PTPRK: variants seen among roughly 807,000 people sequenced by gnomAD.
PTPRK encodes the protein receptor-type tyrosine-protein phosphatase kappa.
A neutral mutation model predicts 178.0 loss-of-function variants in PTPRK; 75 were observed. That is an observed-to-expected ratio of 0.42 (90% CI 0.35 to 0.51). PTPRK has a LOEUF of 0.51. Ranked by LOEUF, PTPRK falls within the 20% of genes least tolerant of loss-of-function variation. PTPRK has a pLI of 0.02. For missense variants in PTPRK, 1,441 were observed against 1,797.8 expected (o/e 0.80, Z 3.59); for synonymous variants, 637 against 620.6 (o/e 1.03, Z -0.39).
intron 13 of PTPRK, among the ~76,000 whole-genome samples, chr6:128,040,699 C>T (rs967097571): frequency 6.6e-6 from 1 of 152,112 alleles, no homozygotes; most frequent in East Asian, 1.9e-4. Context: ...CCTGCCACTA[C>T]TAACGATATA....
At chr6:128,388,262 A>C (rs1159020227) in intron 2 of PTPRK, among the ~76,000 whole-genome samples, 3 of 152,154 alleles carry the variant, frequency 2.0e-5, no homozygotes, top group Non-Finnish European at 4.4e-5. Context: ...TCTTCAGGAT[A>C]CTGTTGTGTC....
chr6:128,504,938 C>T (rs1168783648), intron 1 of PTPRK, among the ~76,000 whole-genome samples: 1 of 151,974 alleles, frequency 6.6e-6, no homozygotes, highest in Non-Finnish European at 1.5e-5. Flanking sequence ...AAGTGAGTCA[C>T]GATTCTGGGG....
chr6:128,097,438 T>C (rs1788097448), intron 7 of PTPRK, among the ~76,000 whole-genome samples: 1 of 152,182 alleles, frequency 6.6e-6, no homozygotes, highest in Non-Finnish European at 1.5e-5. Context: ...TCTGCATTAA[T>C]GCCAAGGAAA....
intron 8 of PTPRK, among the ~76,000 whole-genome samples, chr6:128,087,500 C>T (rs1367720577): frequency 6.6e-6 from 1 of 151,910 alleles, no homozygotes; most frequent in Non-Finnish European, 1.5e-5. Context: ...TTATTATGTG[C>T]CTATGAAACA....
chr6:128,375,800 A>T (rs1305340124), intron 2 of PTPRK, among the ~76,000 whole-genome samples: 3 of 152,230 alleles, frequency 2.0e-5, no homozygotes, highest in Non-Finnish European at 4.4e-5. Context: ...GGGTAAATAC[A>T]GCCCTTCCAA....
At chr6:128,112,131 G>C (rs1790771565) in intron 7 of PTPRK, among the ~76,000 whole-genome samples, 1 of 152,030 alleles carries the variant, frequency 6.6e-6, no homozygotes, top group Admixed American at 6.6e-5. Context: ...TTACAGATTT[G>C]CTCAACAAAT....
chr6:128,013,802 C>A (rs1779301986), intron 13 of PTPRK, among the ~76,000 whole-genome samples: 1 of 151,508 alleles, frequency 6.6e-6, no homozygotes, highest in East Asian at 1.9e-4. Flanking sequence ...AGATCAGTAT[C>A]CTCTCAGGCA....
intron 4 of PTPRK, among the ~76,000 whole-genome samples, chr6:128,242,234 T>C (rs1267375539): frequency 6.6e-6 from 1 of 152,160 alleles, no homozygotes; most frequent in Non-Finnish European, 1.5e-5. Context: ...GCCAAAAAAA[T>C]GAACAAGTCC....
intron 7 of PTPRK, among the ~76,000 whole-genome samples, chr6:128,113,162 A>G (rs1790945566): frequency 6.6e-6 from 1 of 152,130 alleles, no homozygotes; most frequent in South Asian, 2.1e-4. Context: ...GTTTCTAATT[A>G]CACCAGAAAA....
intron 12 of PTPRK, 116 bp from the exon 13 acceptor site, chr6:128,064,910 C>G: frequency 8.5e-7 from 1 of 1,177,262 alleles, no homozygotes; most frequent in Non-Finnish European, 1.1e-6. Flanking sequence ...TTATAAACAA[C>G]AGAATTTTAA....
chr6:127,973,546 G>A (rs766222638), intron 28 of PTPRK, 118 bp downstream of exon 28: 32 of 1,200,096 alleles, frequency 2.7e-5, no homozygotes, highest in African/African-American at 7.7e-5. Context: ...CAGGAAGACT[G>A]TTTAAAAATA....
chr6:128,102,070 G>C (rs188947856), intron 7 of PTPRK, among the ~76,000 whole-genome samples: 72 of 152,242 alleles, frequency 4.7e-4, no homozygotes, highest in African/African-American at 1.6e-3. Flanking sequence ...AGAGATAAAT[G>C]GTTTATGTAA....
At chr6:128,144,987 T>C (rs1293238974) in intron 7 of PTPRK, among the ~76,000 whole-genome samples, 1 of 152,166 alleles carries the variant, frequency 6.6e-6, no homozygotes, top group Non-Finnish European at 1.5e-5. Flanking sequence ...GGCAATACTG[T>C]GGTGACAGTA....
chr6:128,214,454 A>G (rs1808843691), intron 6 of PTPRK, among the ~76,000 whole-genome samples: 1 of 152,134 alleles, frequency 6.6e-6, no homozygotes. Context: ...ATAAACAACT[A>G]ATTCTGAGTA....
chr6:128,072,870 C>T (rs1783075508), intron 11 of PTPRK, among the ~76,000 whole-genome samples: 1 of 151,976 alleles, frequency 6.6e-6, no homozygotes, highest in Admixed American at 6.6e-5. Flanking sequence ...CACAGGGATG[C>T]ATGTTTAATC....
chr6:128,437,137 G>C (rs1041160824), intron 1 of PTPRK, among the ~76,000 whole-genome samples: 3 of 152,188 alleles, frequency 2.0e-5, no homozygotes, highest in Non-Finnish European at 4.4e-5. Flanking sequence ...ATTCATGGTT[G>C]AGGGACTAAG....
intron 13 of PTPRK, among the ~76,000 whole-genome samples, chr6:128,029,666 A>G (rs149931053): frequency 0.14 from 20,020 of 146,832 alleles, 1,575 homozygotes; most frequent in African/African-American, 0.17. Flanking sequence ...TAATAATAAT[A>G]ATAATAATAA....
intron 1 of PTPRK, among the ~76,000 whole-genome samples, chr6:128,432,832 C>T (rs998683613): frequency 1.2e-4 from 18 of 151,460 alleles, no homozygotes; most frequent in Admixed American, 1.1e-3. Context: ...AATTTTTATT[C>T]GGTATTTTCA....
At chr6:128,264,222 T>C (rs959214507) in intron 3 of PTPRK, among the ~76,000 whole-genome samples, 5 of 152,124 alleles carry the variant, frequency 3.3e-5, no homozygotes, top group African/African-American at 1.2e-4. Context: ...ATTTGGAGTA[T>C]TGTACTAAGC....
Sources: allele counts gnomAD v4.1 joint callset (sites outside exome capture counted in the v4.1 genomes callset), GRCh38; gene constraint gnomAD v4.1.1; transcripts MANE v1.5; gene names NCBI Gene and HGNC (gene_info 2026-07-23, HGNC 2026-07-21).